The following PCCA variants were observed in gnomAD, a reference collection of about 807,000 sequenced individuals.
PCCA encodes propionyl-CoA carboxylase alpha chain, mitochondrial.
Under a neutral mutation model 101.3 loss-of-function variants are expected in PCCA, and 74 were observed. The observed-to-expected ratio is 0.73, with a 90% CI of 0.61 to 0.89. The LOEUF is 0.89. Among genes scored for constraint, PCCA ranks in the 40% least tolerant of loss-of-function variants. PCCA has a pLI of 0.00. For missense variants in PCCA, 891 were observed against 907.0 expected, an observed-to-expected ratio of 0.98 and a Z score of 0.23; for synonymous variants, 294 against 313.6, an observed-to-expected ratio of 0.94 and a Z score of 0.66.
intron 8 of PCCA, among the ~76,000 whole-genome samples, chr13:100,236,112 C>T (rs1016131211): frequency 1.3e-5 from 2 of 152,116 alleles, no homozygotes; most frequent in African/African-American, 4.8e-5. Context: ...GATGAGATCA[C>T]AGGCTAATTC....
chr13:100,405,190 G>T (rs1455324824), intron 19 of PCCA, among the ~76,000 whole-genome samples: 2 of 152,152 alleles, frequency 1.3e-5, no homozygotes, highest in African/African-American at 4.8e-5. Context: ...CACTCCCTTG[G>T]TCTTACTTTA....
intron 19 of PCCA, among the ~76,000 whole-genome samples, chr13:100,379,518 A>C (rs2076106495): frequency 6.6e-6 from 1 of 152,252 alleles, no homozygotes; most frequent in Non-Finnish European, 1.5e-5. Context: ...AAAACTTAAG[A>C]TGGCACTGCT....
chr13:100,407,159 A>T (rs901693890), intron 19 of PCCA, among the ~76,000 whole-genome samples: 2 of 147,530 alleles, frequency 1.4e-5, no homozygotes, highest in African/African-American at 5.0e-5. Flanking sequence ...AGAATTTTAG[A>T]AATCCCATAC....
intron 12 of PCCA, among the ~76,000 whole-genome samples, chr13:100,282,328 T>G (rs2064190786): frequency 6.6e-6 from 1 of 152,260 alleles, no homozygotes; most frequent in Admixed American, 6.5e-5. Context: ...CTCCTCTGCC[T>G]GGGCTCCAAC....
At chr13:100,427,174 G>T (rs1052893418) in intron 20 of PCCA, among the ~76,000 whole-genome samples, 1 of 152,214 alleles carries the variant, frequency 6.6e-6, no homozygotes, top group Non-Finnish European at 1.5e-5. Context: ...CCAGGATCAC[G>T]CCATTGCACT....
intron 7 of PCCA, among the ~76,000 whole-genome samples, chr13:100,216,622 A>G (rs1436993872): frequency 2.0e-5 from 3 of 152,254 alleles, no homozygotes; most frequent in Non-Finnish European, 4.4e-5. Flanking sequence ...CTCATTTTAT[A>G]TACGTTGCCA....
At chr13:100,217,149 T>TA in intron 7 of PCCA, among the ~76,000 whole-genome samples, 1 of 148,586 alleles carries the variant, frequency 6.7e-6, no homozygotes, top group East Asian at 2.1e-4. Context: ...GAATCTATTT[T>TA]AAAAATTAAA....
chr13:100,403,469 G>C (rs1272440202), intron 19 of PCCA, among the ~76,000 whole-genome samples: 1 of 152,136 alleles, frequency 6.6e-6, no homozygotes, highest in Non-Finnish European at 1.5e-5. Context: ...CAATCACGGT[G>C]GAAGGCCAAA....
rs867963319 is a variant in PCCA, at chr13:100,488,344, C to T, written c.1900-27083C>T. On this transcript the variant is annotated intron_variant, in intron 21 of 23. Coordinates refer to ENST00000376285, the MANE Select transcript of PCCA (RefSeq NM_000282.4). The stretch of plus-strand genomic sequence containing the variant: ...CCGACCTCAGGTGATCCACCCGCCT[C>T]GGCTTCCCAAAGTGCTAGGATTTAC... Among the ~76,000 whole-genome samples the T allele has an allele frequency of 3.9e-5, 6 of 152,192 alleles. 1 individual carries two copies. Among genetic ancestry groups the T allele is most frequent in the South Asian group, 4.1e-4 (2 of 4,830 alleles).
chr13:100,252,567 T>C (rs2061824929), intron 8 of PCCA, among the ~76,000 whole-genome samples: 1 of 152,226 alleles, frequency 6.6e-6, no homozygotes, highest in Non-Finnish European at 1.5e-5. Context: ...AGCTTTTAAG[T>C]TACCAGGTTG....
chr13:100,374,344 A>G (rs892750710), intron 19 of PCCA, among the ~76,000 whole-genome samples: 1 of 152,208 alleles, frequency 6.6e-6, no homozygotes, highest in Non-Finnish European at 1.5e-5. Context: ...TCAGCTTGTC[A>G]TGGTGATAAG....
intron 7 of PCCA, among the ~76,000 whole-genome samples, chr13:100,212,514 C>T (rs565497522): frequency 2.6e-5 from 4 of 152,258 alleles, no homozygotes; most frequent in East Asian, 1.9e-4. Context: ...TTAACAAATG[C>T]GACTGTGGAG....
intron 8 of PCCA, among the ~76,000 whole-genome samples, chr13:100,248,913 ATT>A (rs11285694): frequency 1.4e-5 from 2 of 145,194 alleles, no homozygotes; most frequent in Non-Finnish European, 1.5e-5. Context: ...CGCCTGGCTA[ATT>A]TTTTTTTTTT....
chr13:100,264,149 G>A lies in PCCA; in HGVS notation c.819+1318G>A, dbSNP rs956086457. On this transcript the variant is annotated intron_variant, in intron 10 of 23. Coordinates refer to ENST00000376285, the MANE Select transcript of PCCA (RefSeq NM_000282.4). ...CGTATATATATGGTATCTGTATATC[G>A]TATATATATGGTATCTGTATATCGT... is the stretch of plus-strand genomic sequence containing the variant. Among the ~76,000 whole-genome samples the A allele has an allele frequency of 1.6e-4, 18 of 110,462 alleles. 6 individuals are homozygous for A. Among genetic ancestry groups the A allele is most frequent in the African/African-American group, 5.5e-4 (17 of 30,752 alleles). 72.5% of individuals were successfully genotyped at this position (110,462 alleles called of 152,430 possible).
chr13:100,261,392 G>C (rs1445763478), intron 9 of PCCA, among the ~76,000 whole-genome samples: 1 of 150,526 alleles, frequency 6.6e-6, no homozygotes, highest in Non-Finnish European at 1.5e-5. Context: ...TTTTGAGATG[G>C]AGTCTCACTG....
intron 19 of PCCA, among the ~76,000 whole-genome samples, chr13:100,393,901 C>CA (rs1229059875): frequency 1.3e-5 from 2 of 152,146 alleles, no homozygotes; most frequent in Non-Finnish European, 2.9e-5. Context: ...AGAAGATCTA[C>CA]AAAACTAGTT....
At chr13:100,275,633 C>T (rs1007352724) in intron 12 of PCCA, among the ~76,000 whole-genome samples, 1 of 152,030 alleles carries the variant, frequency 6.6e-6, no homozygotes, top group Non-Finnish European at 1.5e-5. Context: ...GTTTAAATTT[C>T]TAATTTTTAA....
intron 8 of PCCA, among the ~76,000 whole-genome samples, chr13:100,249,334 T>C (rs2061627018): frequency 6.6e-6 from 1 of 152,234 alleles, no homozygotes; most frequent in Non-Finnish European, 1.5e-5. Flanking sequence ...GTTATTCCAG[T>C]ACCCTTTGTT....
chr13:100,297,631 G>A (rs2065658173), intron 12 of PCCA, among the ~76,000 whole-genome samples: 1 of 152,138 alleles, frequency 6.6e-6, no homozygotes, highest in Non-Finnish European at 1.5e-5. Context: ...GCTTGGTGGT[G>A]ATTAAGAATA....
Sources: allele counts gnomAD v4.1 joint callset (sites outside exome capture counted in the v4.1 genomes callset), GRCh38; gene constraint gnomAD v4.1.1; transcripts MANE v1.5; gene names NCBI Gene and HGNC (gene_info 2026-07-23, HGNC 2026-07-21).